EBF1: variants seen among roughly 807,000 people sequenced by gnomAD.
EBF1 encodes the protein transcription factor COE1.
EBF1 carries 10 observed loss-of-function variants against 68.4 expected under a neutral mutation model. The observed-to-expected ratio is 0.15, with a 90% CI of 0.09 to 0.25. EBF1 has a LOEUF of 0.25. Ranked by LOEUF, EBF1 falls within the 10% of genes least tolerant of loss-of-function variation. The pLI is 1.00. For missense variants in EBF1, 509 were observed against 794.4 expected (o/e 0.64, Z 4.32); for synonymous variants, 298 against 299.8 (o/e 0.99, Z 0.06).
intron 6 of EBF1, among the ~76,000 whole-genome samples, chr5:158,865,555 T>C (rs898506028): frequency 7.9e-5 from 12 of 152,202 alleles, no homozygotes; most frequent in Non-Finnish European, 1.3e-4. Context: ...ATGGTGATAA[T>C]GGGATCACAA....
rs538489816 is a variant in EBF1, at chr5:159,089,478, A to G, written c.412-4739T>C. Among the ~76,000 whole-genome samples, 60 of 152,278 alleles carry G rather than the reference A, an allele frequency of 3.9e-4. No homozygotes were observed. The South Asian group carries it at 7.0e-3, about 18-fold the overall frequency. On this transcript the variant is annotated intron_variant, in intron 4 of 15. Transcript: ENST00000313708. ...TCTTAAAAGTTAATTGAAACTTACT[A>G]TGGGTAAAGACCACACAGTAAAATG...
chr5:158,708,076 G>A lies in EBF1; in HGVS notation c.1647C>T (p.Val549=), dbSNP rs1282223990. 2.5e-6 allele frequency: 4 copies of A among 1,572,778 alleles called. No homozygotes were observed. The highest frequency in any genetic ancestry group is 3.5e-6 in the Non-Finnish European group (4 of 1,158,168). ...AAGCACTCTTCTGTTTCACGGCTGA[G>A]ACCATGTTGGCTGGTGAGAAGGAGA... ...GIFSFSPANM[V]SAVKQKSAFA... is the part of the protein sequence containing the mutation. The change falls in exon 15 of 16, where the codon GTC becomes GTT. Residue 549 remains valine (V), a synonymous_variant. Transcript: ENST00000313708.
chr5:159,068,040 A>C (rs1211729483), intron 6 of EBF1, among the ~76,000 whole-genome samples: 1 of 152,162 alleles, frequency 6.6e-6, no homozygotes. Context: ...CCACACAGCC[A>C]TTTGTGTATA....
At chr5:158,827,439 T>C (rs971060253) in intron 7 of EBF1, among the ~76,000 whole-genome samples, 3 of 152,196 alleles carry the variant, frequency 2.0e-5, no homozygotes, top group African/African-American at 4.8e-5. Context: ...CCTCTTACAT[T>C]TGAGGCTTTA....
chr5:159,044,985 AGACCTTACC>A (rs1772043516), intron 6 of EBF1, among the ~76,000 whole-genome samples: 1 of 152,230 alleles, frequency 6.6e-6, no homozygotes, highest in African/African-American at 2.4e-5. Flanking sequence ...AACAACCTTA[AGACCTTACC>A]AAATACATTT....
chr5:159,055,465 G>A (rs956530333), intron 6 of EBF1, among the ~76,000 whole-genome samples: 7 of 152,142 alleles, frequency 4.6e-5, no homozygotes, highest in African/African-American at 1.7e-4. Context: ...TCTACATGAG[G>A]TTCCTTCTCA....
chr5:158,822,116 T>C (rs1562027404), intron 8 of EBF1, among the ~76,000 whole-genome samples: 1 of 152,086 alleles, frequency 6.6e-6, no homozygotes, highest in African/African-American at 2.4e-5. Flanking sequence ...ATTTGTGTGG[T>C]AGTGTTCTGA....
Position 158,698,827 on chromosome 5 carries a change from A to T in EBF1, c.*284T>A, listed in dbSNP as rs1311083141. The T allele has an allele frequency of 1.5e-5, 5 of 324,088 alleles. No individual in the cohort carries two copies. Among genetic ancestry groups the T allele is most frequent in the African/African-American group, 1.1e-4 (5 of 47,178 alleles). The allele number at this position is 324,088 out of a possible 1,614,324, so 20.1% of individuals were successfully genotyped here. ...ATGATTGCAGAATTAAGCTTAAAAAAAAAAAAGAAAAAGAAAAAGTGGATT... is the reference window on the plus strand; with the variant it reads ...ATGATTGCAGAATTAAGCTTAAAAATAAAAAAGAAAAAGAAAAAGTGGATT... On this transcript the variant is annotated 3_prime_UTR_variant, in exon 16 of 16. Coordinates refer to ENST00000313708, the MANE Select transcript of EBF1 (RefSeq NM_024007.5).
chr5:158,742,951 C>T (rs1766739499), intron 10 of EBF1, among the ~76,000 whole-genome samples: 1 of 152,120 alleles, frequency 6.6e-6, no homozygotes, highest in Admixed American at 6.6e-5. Context: ...TTGCTGTATA[C>T]AAGGCCCCAT....
At chr5:158,783,060 G>A (rs2127700738) in intron 9 of EBF1, among the ~76,000 whole-genome samples, 2 of 152,232 alleles carry the variant, frequency 1.3e-5, no homozygotes, top group South Asian at 4.1e-4. Flanking sequence ...TACTTAAAAA[G>A]TATGCCACAC....
At chr5:158,989,797 C>A (rs1759894666) in intron 6 of EBF1, among the ~76,000 whole-genome samples, 1 of 152,158 alleles carries the variant, frequency 6.6e-6, no homozygotes, top group Non-Finnish European at 1.5e-5. Flanking sequence ...GTCTGACATG[C>A]TATAACTCAC....
At chr5:158,971,499 C>T (rs1042614758) in intron 6 of EBF1, among the ~76,000 whole-genome samples, 1 of 152,166 alleles carries the variant, frequency 6.6e-6, no homozygotes, top group Non-Finnish European at 1.5e-5. Flanking sequence ...TTCTTGGAGT[C>T]GTGGTTGCTT....
At chr5:158,988,748 A>G (rs574983150) in intron 6 of EBF1, among the ~76,000 whole-genome samples, 1 of 152,214 alleles carries the variant, frequency 6.6e-6, no homozygotes, top group South Asian at 2.1e-4. Context: ...TAGCCTGTTC[A>G]GGTTGCCCCT....
At chr5:158,737,266 ATTTTTTTTTTTTTTTTTT>A (rs61380054) in intron 10 of EBF1, among the ~76,000 whole-genome samples, 4 of 55,640 alleles carry the variant, frequency 7.2e-5, no homozygotes, top group African/African-American at 1.6e-4. Flanking sequence ...ACATGCCCTG[ATTTTTTTTTTTTTTTTTT>A]TTTTTTTTTT....
intron 6 of EBF1, chr5:158,986,592 G>A (rs965152118): frequency 2.6e-5 from 4 of 152,150 alleles, no homozygotes; most frequent in African/African-American, 7.2e-5. Context: ...TCATGATGTT[G>A]GCATCAAATT....
chr5:158,750,971 T>C (rs1768734901), intron 10 of EBF1, among the ~76,000 whole-genome samples: 1 of 152,044 alleles, frequency 6.6e-6, no homozygotes, highest in African/African-American at 2.4e-5. Context: ...CTGTGGGAGA[T>C]GATGCAGCCT....
chr5:158,701,611 C>T (rs1029989554), intron 15 of EBF1, among the ~76,000 whole-genome samples: 1 of 152,190 alleles, frequency 6.6e-6, no homozygotes, highest in Non-Finnish European at 1.5e-5. Context: ...GTGATGATGC[C>T]AAGGGCATGC....
intron 8 of EBF1, among the ~76,000 whole-genome samples, chr5:158,802,205 T>C (rs1220681871): frequency 2.0e-5 from 3 of 152,120 alleles, no homozygotes; most frequent in Non-Finnish European, 4.4e-5. Context: ...GGTAGCCATA[T>C]AGATGACCCA....
At chr5:158,763,958 T>C (rs774136055) in intron 10 of EBF1, among the ~76,000 whole-genome samples, 15 of 152,170 alleles carry the variant, frequency 9.9e-5, no homozygotes, top group Non-Finnish European at 1.8e-4. Context: ...AACTCAAAAT[T>C]ACAGGCAACT....
Sources: gnomAD v4.1 joint callset for allele counts (sites outside exome capture counted in the v4.1 genomes callset) on GRCh38, gnomAD v4.1.1 for gene constraint, MANE v1.5 for transcripts, NCBI Gene and HGNC (gene_info 2026-07-23, HGNC 2026-07-21) for gene names.